Variants in GNG2 observed in about 807,000 individuals in gnomAD.
GNG2 encodes the protein G protein subunit gamma 2.
GNG2 carries 5 observed loss-of-function variants against 5.5 expected under a neutral mutation model. That is an observed-to-expected ratio of 0.91 (90% CI 0.48 to 1.92). The LOEUF is 1.92. Ranked by LOEUF, GNG2 falls within the 30% of genes most tolerant of loss-of-function variation. GNG2 has a pLI of 0.01. For missense variants in GNG2, 55 were observed against 88.4 expected (o/e 0.62, Z 1.52); for synonymous variants, 28 against 32.0 (o/e 0.88, Z 0.42).
Position 51,966,657 on chromosome 14 carries a change from G to C in GNG2, c.186G>C (p.Arg62Ser). The C allele has an allele frequency of 6.2e-7, 1 of 1,613,908 alleles. No homozygotes were observed. The highest frequency in any genetic ancestry group is 1.1e-5 in the South Asian group (1 of 91,074). Residue 62 changes from arginine (R) to serine (S), a missense_variant, in exon 4 of 4, where the codon AGG becomes AGC. Arg to Ser is a moderately radical substitution (Grantham distance 110, BLOSUM62 -1). Coordinates refer to ENST00000556766, the MANE Select transcript of GNG2 (RefSeq NM_053064.5). ...TTCCGGCTTCAGAAAACCCGTTTAG[G>C]GAGAAGAAGTTTTTCTGTGCCATCC... ...TPVPASENPFREKKFFCAIL is the reference protein window; with the variant it reads ...TPVPASENPFSEKKFFCAIL
rs530405572 is a variant in GNG2, at chr14:51,836,860, T to C, written c.64+9053T>C. ...TATGATTTTAAGTGACTTCATCTTT[T>C]TTTTTTTTTTTTTTTGAGACAGAGA... is the stretch of plus-strand genomic sequence containing the variant. On this transcript the variant is annotated intron_variant, in intron 2 of 3. Transcript: ENST00000553432. 1.4e-4 allele frequency among the ~76,000 whole-genome samples: 21 copies of C among 146,164 alleles called. 1 individual carries two copies. The East Asian group carries it at 3.9e-3, about 27-fold the overall frequency.
At chr14:51,920,507 G>C (rs1886955255) in intron 2 of GNG2, among the ~76,000 whole-genome samples, 3 of 151,974 alleles carry the variant, frequency 2.0e-5, no homozygotes. Context: ...TCTATGGTTG[G>C]TTGACTTTAC....
At chr14:51,876,774 A>T (rs1029294997) in intron 1 of GNG2, among the ~76,000 whole-genome samples, 1 of 152,118 alleles carries the variant, frequency 6.6e-6, no homozygotes, top group African/African-American at 2.4e-5. Context: ...CTCTGGAGAC[A>T]CTGATGTTCG....
intron 2 of GNG2, among the ~76,000 whole-genome samples, chr14:51,911,416 G>A (rs1257586962): frequency 6.6e-6 from 1 of 152,156 alleles, no homozygotes. Context: ...GGCCAAAGAT[G>A]TGACCTTGGA....
At chr14:51,869,448 A>G (rs1417737606) in intron 1 of GNG2, among the ~76,000 whole-genome samples, 1 of 152,170 alleles carries the variant, frequency 6.6e-6, no homozygotes, top group Non-Finnish European at 1.5e-5. Flanking sequence ...GGCGTCTACA[A>G]TTTTGGAATT....
At chr14:51,962,329 G>A (rs1271518) in intron 3 of GNG2, among the ~76,000 whole-genome samples, 140,858 of 152,226 alleles carry the variant, frequency 0.93, 65,669 homozygotes, top group Non-Finnish European at 0.98. Context: ...CAGAAATGCA[G>A]TGTTGAGGTG....
intron 2 of GNG2, among the ~76,000 whole-genome samples, chr14:51,914,988 G>A (rs1886531328): frequency 6.6e-6 from 1 of 152,196 alleles, no homozygotes; most frequent in Non-Finnish European, 1.5e-5. Context: ...CTCCATGACT[G>A]CTTGCTTGAG....
intron 2 of GNG2, chr14:51,914,253 A>G (rs1886471788): frequency 2.8e-6 from 2 of 702,338 alleles, no homozygotes; most frequent in Non-Finnish European, 5.2e-6. Flanking sequence ...TAGGCAACAT[A>G]AAACGGACAA....
intron 2 of GNG2, among the ~76,000 whole-genome samples, chr14:51,904,057 G>T (rs747856333): frequency 2.0e-5 from 3 of 152,192 alleles, no homozygotes; most frequent in Non-Finnish European, 4.4e-5. Context: ...CTTCAGACAT[G>T]CAGGATGGGT....
chr14:51,843,867 G>A (rs1210503978), intron 2 of GNG2, among the ~76,000 whole-genome samples: 1 of 152,100 alleles, frequency 6.6e-6, no homozygotes, highest in Non-Finnish European at 1.5e-5. Flanking sequence ...ATGGCTCACA[G>A]AATAAGCCAT....
chr14:51,845,049 C>A (rs946043961), intron 2 of GNG2, among the ~76,000 whole-genome samples: 1 of 152,198 alleles, frequency 6.6e-6, no homozygotes, highest in Non-Finnish European at 1.5e-5. Context: ...TTTATTGAAA[C>A]AACTTGGTGC....
Position 51,875,220 on chromosome 14 carries a change from C to T in GNG2, c.-70-2397C>T, listed in dbSNP as rs371164750. 5.9e-5 allele frequency among the ~76,000 whole-genome samples: 9 copies of T among 152,198 alleles called. No individual in the cohort carries two copies. The East Asian group carries it at 1.5e-3, about 26-fold the overall frequency. ...GCCAGGCTCCTTCTATCCTGTTTTT[C>T]TATCATTCCTATGAGGTTTCTCTTG... On this transcript the variant is annotated intron_variant, in intron 1 of 3. Transcript: ENST00000556766.
chr14:51,843,816 C>T (rs1463966561), intron 2 of GNG2, among the ~76,000 whole-genome samples: 1 of 152,174 alleles, frequency 6.6e-6, no homozygotes, highest in Non-Finnish European at 1.5e-5. Flanking sequence ...CCACCCCACC[C>T]ACACAGCCTG....
intron 2 of GNG2, among the ~76,000 whole-genome samples, chr14:51,887,633 A>T (rs138629792): frequency 2.2e-4 from 34 of 152,282 alleles, no homozygotes; most frequent in African/African-American, 7.7e-4. Context: ...CTATAATAGG[A>T]GCAGTGAGAG....
intron 3 of GNG2, among the ~76,000 whole-genome samples, chr14:51,952,543 C>CT (rs1197821943): frequency 2.0e-5 from 3 of 152,190 alleles, no homozygotes; most frequent in Non-Finnish European, 4.4e-5. Context: ...GAAAATACCA[C>CT]TTTGACTTTT....
intron 2 of GNG2, among the ~76,000 whole-genome samples, chr14:51,844,512 C>T (rs1183568867): frequency 6.6e-6 from 1 of 151,810 alleles, no homozygotes; most frequent in Non-Finnish European, 1.5e-5. Flanking sequence ...TGTTGACAGC[C>T]CTGTGTGTGT....
At chr14:51,852,286 T>C (rs1327699602) in intron 2 of GNG2, among the ~76,000 whole-genome samples, 1 of 152,186 alleles carries the variant, frequency 6.6e-6, no homozygotes, top group Non-Finnish European at 1.5e-5. Context: ...ACTTGACTTA[T>C]CTTCCTCCTC....
chr14:51,882,144 C>T (rs1343559223), intron 2 of GNG2, among the ~76,000 whole-genome samples: 5 of 152,110 alleles, frequency 3.3e-5, no homozygotes, highest in Admixed American at 6.6e-5. Context: ...TATCTGGGTA[C>T]AGGGTTTCCT....
At chr14:51,882,301 C>T (rs936228798) in intron 2 of GNG2, among the ~76,000 whole-genome samples, 8 of 152,096 alleles carry the variant, frequency 5.3e-5, no homozygotes, top group Non-Finnish European at 7.4e-5. Context: ...AACAAAATGC[C>T]GATTGAACTT....
Sources: allele counts gnomAD v4.1 joint callset (sites outside exome capture counted in the v4.1 genomes callset), GRCh38; gene constraint gnomAD v4.1.1; transcripts MANE v1.5; gene names NCBI Gene and HGNC (gene_info 2026-07-23, HGNC 2026-07-21).